The following CCDC171 variants were observed in gnomAD, a reference collection of about 807,000 sequenced individuals.
The protein encoded by CCDC171 is coiled-coil domain-containing protein 171.
A neutral mutation model predicts 168.2 loss-of-function variants in CCDC171; 177 were observed. That is an observed-to-expected ratio of 1.05 (90% CI 0.93 to 1.19). The LOEUF (loss-of-function observed/expected upper bound fraction) is 1.19, where lower values mean the gene tolerates loss of function less well. Ranked by LOEUF, CCDC171 falls within the 50% of genes most tolerant of loss-of-function variation. The pLI is 0.00. For missense variants in CCDC171, 1,991 were observed against 1,539.0 expected (o/e 1.29, Z -4.91); for synonymous variants, 687 against 540.8 (o/e 1.27, Z -3.75).
chr9:15,786,939 A>G (rs769224370), intron 21 of CCDC171, among the ~76,000 whole-genome samples: 47 of 151,782 alleles, frequency 3.1e-4, no homozygotes, highest in Admixed American at 3.9e-4. Flanking sequence ...CCCCTCTCCT[A>G]TCTCCCTTCA....
intron 18 of CCDC171, among the ~76,000 whole-genome samples, chr9:15,770,415 A>G (rs2056953764): frequency 6.6e-6 from 1 of 152,186 alleles, no homozygotes; most frequent in African/African-American, 2.4e-5. Flanking sequence ...GTAATCCCAC[A>G]TCTCTTGATT....
At chr9:15,678,586 T>C (rs2049808481) in intron 9 of CCDC171, among the ~76,000 whole-genome samples, 172 bp from the exon 10 acceptor site, 2 of 152,142 alleles carry the variant, frequency 1.3e-5, no homozygotes, top group African/African-American at 4.8e-5. Flanking sequence ...TGCTTTGAAG[T>C]TTTTCATTTA....
chr9:15,553,514 G>C (rs2038509660), intron 1 of CCDC171: 1 of 152,526 alleles, frequency 6.6e-6, no homozygotes, highest in African/African-American at 2.4e-5. Context: ...GGCTGTACCA[G>C]AGCGCCGGAT....
At chr9:15,775,435 C>T (rs1393470390) in intron 18 of CCDC171, among the ~76,000 whole-genome samples, 2 of 152,180 alleles carry the variant, frequency 1.3e-5, no homozygotes, top group Non-Finnish European at 2.9e-5. Flanking sequence ...TCTCCTGCCT[C>T]AGCCTCCTGA....
At chr9:16,051,170 A>G (rs563234193) in intron 1 of CCDC171, among the ~76,000 whole-genome samples, 108 of 152,280 alleles carry the variant, frequency 7.1e-4, no homozygotes, top group Non-Finnish European at 1.4e-3. Flanking sequence ...ATTGTTTTCC[A>G]TAATTATATT....
chr9:15,906,325 A>T (rs1246139848), intron 24 of CCDC171, among the ~76,000 whole-genome samples: 1 of 152,204 alleles, frequency 6.6e-6, no homozygotes, highest in Non-Finnish European at 1.5e-5. Context: ...CTTATCCACC[A>T]TGATCAAGTG....
At chr9:16,038,756 A>G (rs1833518506), upstream of CCDC171, among the ~76,000 whole-genome samples, 1 of 151,244 alleles carries the variant, frequency 6.6e-6, no homozygotes, top group Admixed American at 6.6e-5. Flanking sequence ...AAACACAGAG[A>G]TTGTTAACTT....
the CCDC171 span, among the ~76,000 whole-genome samples, chr9:16,108,692 T>C: frequency 6.6e-6 from 1 of 152,202 alleles, no homozygotes; most frequent in Non-Finnish European, 1.5e-5. Flanking sequence ...AGATGGACAG[T>C]TGGCCCTTTG....
chr9:15,593,386 CAG>C (rs2042129644), intron 5 of CCDC171, among the ~76,000 whole-genome samples: 1 of 152,110 alleles, frequency 6.6e-6, no homozygotes, highest in Admixed American at 6.5e-5. Flanking sequence ...CAGTACACCT[CAG>C]AAAACCCAAA....
intron 25 of CCDC171, among the ~76,000 whole-genome samples, chr9:15,930,443 G>A (rs1422608284): frequency 6.6e-6 from 1 of 150,940 alleles, no homozygotes. Flanking sequence ...TGACAAAGAA[G>A]AACATTCTTT....
intron 7 of CCDC171, among the ~76,000 whole-genome samples, chr9:15,640,125 T>C (rs2046488970): frequency 6.6e-6 from 1 of 152,206 alleles, no homozygotes; most frequent in Admixed American, 6.5e-5. Flanking sequence ...AACCTATTCA[T>C]TTGTTTTTAA....
intron 24 of CCDC171, among the ~76,000 whole-genome samples, chr9:15,884,392 C>T (rs1162337427): frequency 6.6e-6 from 1 of 152,034 alleles, no homozygotes; most frequent in African/African-American, 2.4e-5. Context: ...ATATAGATTG[C>T]TTAGTTTTCA....
intron 1 of CCDC171, among the ~76,000 whole-genome samples, chr9:16,048,725 T>C (rs1407489501): frequency 5.9e-5 from 9 of 152,176 alleles, no homozygotes; most frequent in Admixed American, 5.9e-4. Flanking sequence ...CTTTAATCTC[T>C]TTATGCCTCT....
chr9:15,724,812 T>C lies in CCDC171; in HGVS notation c.1528T>C (p.Leu510=). The change falls in exon 14 of 26, where the codon TTA becomes CTA. Residue 510 remains leucine (L), a synonymous_variant. Transcript: ENST00000380701. ...TAAACTGGCTGATGTTAATAAAGAG[T>C]TAAGTCATTTACACACTAAATGTGC... ...QDKLADVNKE[L]SHLHTKCADR... is the part of the protein sequence containing the mutation. 1.9e-6 allele frequency: 3 copies of C among 1,613,654 alleles called. No homozygotes were observed. The highest frequency in any genetic ancestry group is 2.5e-6 in the Non-Finnish European group (3 of 1,179,698).
At chr9:15,866,383 C>T (rs1266831826) in intron 23 of CCDC171, among the ~76,000 whole-genome samples, 2 of 151,876 alleles carry the variant, frequency 1.3e-5, no homozygotes, top group Non-Finnish European at 2.9e-5. Context: ...AGGGTTGAAC[C>T]AGAAGAGTGA....
intron 11 of CCDC171, among the ~76,000 whole-genome samples, chr9:15,710,407 A>T (rs1374802223): frequency 6.6e-6 from 1 of 151,094 alleles, no homozygotes; most frequent in Non-Finnish European, 1.5e-5. Context: ...GGTTCATGCC[A>T]CTCTCCTGCC....
intron 9 of CCDC171, among the ~76,000 whole-genome samples, chr9:15,678,325 A>G (rs1002081667): frequency 6.6e-6 from 1 of 152,112 alleles, no homozygotes; most frequent in Non-Finnish European, 1.5e-5. Context: ...CCATGCCACC[A>G]CACTGGTTCT....
At chr9:15,679,431 A>G (rs186443314) in intron 10 of CCDC171, among the ~76,000 whole-genome samples, 56 of 152,250 alleles carry the variant, frequency 3.7e-4, no homozygotes, top group African/African-American at 1.3e-3. Flanking sequence ...TTCTTGTTGT[A>G]TAATCTCAGG....
At chr9:15,648,012 A>T (rs1038767534) in intron 7 of CCDC171, among the ~76,000 whole-genome samples, 2 of 152,216 alleles carry the variant, frequency 1.3e-5, no homozygotes, top group African/African-American at 4.8e-5. Flanking sequence ...AATACTGGCA[A>T]ACCGAATCCA....
Sources: allele counts gnomAD v4.1 joint callset (sites outside exome capture counted in the v4.1 genomes callset), GRCh38; gene constraint gnomAD v4.1.1; transcripts MANE v1.5; gene names NCBI Gene and HGNC (gene_info 2026-07-23, HGNC 2026-07-21).